Variants in DBT observed in about 807,000 individuals in gnomAD.
DBT encodes the protein lipoamide acyltransferase component of branched-chain alpha-keto acid dehydrogenase complex, mitochondrial.
A neutral mutation model predicts 51.3 loss-of-function variants in DBT; 40 were observed. The ratio of observed to expected loss-of-function variants is 0.78; its 90% CI spans 0.61 to 1.02. DBT has a LOEUF of 1.02. Among genes scored for constraint, DBT ranks in the 50% least tolerant of loss-of-function variants. DBT has a pLI of 0.00. For synonymous variants in DBT, 181 were observed against 190.4 expected (o/e 0.95, Z 0.41); for missense variants, 510 against 580.2 (o/e 0.88, Z 1.24).
At chr1:100,247,002 C>G (rs3122123) in intron 1 of DBT, among the ~76,000 whole-genome samples, 148,564 of 151,994 alleles carry the variant, frequency 0.98, 72,568 homozygotes, top group East Asian at 1. Context: ...GGAGTTGAGA[C>G]AGAAAGCACA....
intron 4 of DBT, among the ~76,000 whole-genome samples, chr1:100,229,168 T>G (rs1411986032): frequency 1.3e-5 from 2 of 152,070 alleles, no homozygotes; most frequent in African/African-American, 4.8e-5. Context: ...AACCTTTCTT[T>G]TTTTTCCTTT....
chr1:100,238,333 C>CTCCCT (rs1664014448), intron 2 of DBT, among the ~76,000 whole-genome samples: 1 of 147,432 alleles, frequency 6.8e-6, no homozygotes, highest in Admixed American at 6.8e-5. Context: ...CTCCCCTCCC[C>CTCCCT]TCCCCATCCC....
intron 10 of DBT, among the ~76,000 whole-genome samples, chr1:100,204,541 T>C (rs1465439900): frequency 1.3e-5 from 2 of 152,130 alleles, no homozygotes; most frequent in African/African-American, 2.4e-5. Context: ...AAGTAATTTA[T>C]AGATTCAATG....
chr1:100,243,686 C>T (rs1455466070), intron 1 of DBT, among the ~76,000 whole-genome samples: 3 of 151,950 alleles, frequency 2.0e-5, no homozygotes, highest in Middle Eastern at 3.2e-3. Context: ...CTTCAACACA[C>T]GGGAAACTGA....
At position 100,235,529 on chromosome 1, in the gene DBT, A is replaced by C; in HGVS notation, c.176-18T>G. ...ACGGAGAGCTTCAAAGACAAATGAG[A>C]AATGATCTCATTAAGTATATAACAT... is the stretch of plus-strand genomic sequence containing the variant. On this transcript the variant is annotated intron_variant, in intron 2 of 10. Transcript: ENST00000370132. 1 of 1,409,778 alleles carries C rather than the reference A, an allele frequency of 7.1e-7. No homozygotes were observed. Among genetic ancestry groups the C allele is most frequent in the African/African-American group, 1.4e-5 (1 of 70,944 alleles). 87.3% of individuals were successfully genotyped at this position (1,409,778 alleles called of 1,614,324 possible).
At chr1:100,243,160 G>T (rs1664322139) in intron 1 of DBT, among the ~76,000 whole-genome samples, 1 of 150,758 alleles carries the variant, frequency 6.6e-6, no homozygotes, top group Non-Finnish European at 1.5e-5. Flanking sequence ...TACTTGGGAG[G>T]CTGAGGCACA....
intron 8 of DBT, among the ~76,000 whole-genome samples, chr1:100,207,575 A>G (rs528018265): frequency 9.9e-5 from 15 of 152,222 alleles, no homozygotes; most frequent in African/African-American, 2.9e-4. Context: ...TAATCCCAAC[A>G]CTTTGGGAGA....
At chr1:100,198,223 A>T (rs1055148594) in intron 10 of DBT, among the ~76,000 whole-genome samples, 1 of 152,228 alleles carries the variant, frequency 6.6e-6, no homozygotes, top group Admixed American at 6.5e-5. Flanking sequence ...ACATGAATGA[A>T]CCTTGAGCCA....
At chr1:100,226,172 T>G (rs1418043238) in intron 4 of DBT, among the ~76,000 whole-genome samples, 2 of 151,990 alleles carry the variant, frequency 1.3e-5, no homozygotes, top group Non-Finnish European at 2.9e-5. Context: ...ATGCCAAGAA[T>G]GAAACACTCT....
rs1660598514 is a variant in DBT at position 100,187,056 on chromosome 1, A to G, written c.*9199T>C. The G allele has an allele frequency of 6.6e-6, 1 of 152,244 alleles. No homozygotes were observed. Among genetic ancestry groups the G allele is most frequent in the African/African-American group, 2.4e-5 (1 of 41,462 alleles). The allele number at this position is 152,244 out of a possible 1,614,324, so 9.4% of individuals were successfully genotyped here. A position where few individuals can be genotyped will look rare whatever the true frequency, so the allele number is the denominator to read the frequency against. On this transcript the variant is annotated 3_prime_UTR_variant, in exon 11 of 11. Coordinates refer to ENST00000370132, the MANE Select transcript of DBT (RefSeq NM_001918.5). ...CTAAATAACCAATTTCATTTAGCAA[A>G]CAAAATACAAGTAAACAAAACACAA...
chr1:100,239,413 GA>G (rs1049704056), intron 2 of DBT, among the ~76,000 whole-genome samples: 9 of 152,246 alleles, frequency 5.9e-5, no homozygotes, highest in African/African-American at 2.2e-4. Context: ...TTAAAAAATG[GA>G]AATTTTTGTA....
chr1:100,231,066 A>G (rs1663530454), intron 3 of DBT, 152 bp from the exon 4 acceptor site: 2 of 593,238 alleles, frequency 3.4e-6, no homozygotes, highest in Admixed American at 3.0e-5. Flanking sequence ...AGAGATGACT[A>G]TAATGACTTT....
At chr1:100,210,963 A>G in intron 7 of DBT, 192 bp from the exon 8 acceptor site, 1 of 1,070,052 alleles carries the variant, frequency 9.3e-7, no homozygotes, top group South Asian at 1.5e-5. Flanking sequence ...AGGTCACCCT[A>G]ATCATTAAAG....
chr1:100,208,721 G>T (rs1478114633), intron 8 of DBT, among the ~76,000 whole-genome samples: 1 of 147,716 alleles, frequency 6.8e-6, no homozygotes, highest in Non-Finnish European at 1.5e-5. Context: ...AACATGGCAA[G>T]ACCCCATTTC....
At chr1:100,229,056 T>C (rs544526031) in intron 4 of DBT, among the ~76,000 whole-genome samples, 1 of 152,350 alleles carries the variant, frequency 6.6e-6, no homozygotes, top group Admixed American at 6.5e-5. Context: ...AATCACCTTC[T>C]AGCTTTTAGA....
chr1:100,234,579 TC>T (rs1663744389), intron 3 of DBT, among the ~76,000 whole-genome samples: 1 of 152,164 alleles, frequency 6.6e-6, no homozygotes, highest in Non-Finnish European at 1.5e-5. Flanking sequence ...ATTATTTTGA[TC>T]CTTTCAACAC....
chr1:100,195,655 G>C lies in DBT; in HGVS notation c.*600C>G, dbSNP rs937025752. On this transcript the variant is annotated 3_prime_UTR_variant, in exon 11 of 11. Transcript: ENST00000370132. ...TCTGTATATGGCTACCTGTCTTTTA[G>C]TAACATGAATTTTGTTTTTTTGTTT... is the stretch of plus-strand genomic sequence containing the variant. 6.5e-6 allele frequency: 1 copy of C among 154,098 alleles called. No homozygotes were observed. The highest frequency in any genetic ancestry group is 2.4e-5 in the African/African-American group (1 of 41,414). The allele number at this position is 154,098 out of a possible 1,614,324, so 9.5% of individuals were successfully genotyped here.
intron 2 of DBT, among the ~76,000 whole-genome samples, chr1:100,236,407 T>G (rs1287711104): frequency 6.6e-6 from 1 of 152,244 alleles, no homozygotes; most frequent in East Asian, 1.9e-4. Context: ...GGAATGCTCC[T>G]GTATCTTTAG....
intron 10 of DBT, among the ~76,000 whole-genome samples, chr1:100,200,433 C>T (rs868664335): frequency 6.6e-6 from 1 of 152,246 alleles, no homozygotes; most frequent in African/African-American, 2.4e-5. Flanking sequence ...AAACTCCCAT[C>T]TCCCTGGGAC....
Sources: allele counts gnomAD v4.1 joint callset (sites outside exome capture counted in the v4.1 genomes callset), GRCh38; gene constraint gnomAD v4.1.1; transcripts MANE v1.5; gene names NCBI Gene and HGNC (gene_info 2026-07-23, HGNC 2026-07-21).